DGLUCY: variants seen among roughly 807,000 people sequenced by gnomAD.
DGLUCY encodes the protein D-glutamate cyclase.
In DGLUCY, 58 loss-of-function variants were observed where a neutral mutation model predicts 58.5. The observed-to-expected ratio is 0.99, with a 90% CI of 0.80 to 1.23. The LOEUF (loss-of-function observed/expected upper bound fraction) is 1.23, where lower values mean the gene tolerates loss of function less well. Among genes scored for constraint, DGLUCY ranks in the 50% most tolerant of loss-of-function variants. The pLI, the probability that DGLUCY is intolerant of heterozygous loss-of-function variation, is 0.00. For missense variants in DGLUCY, 779 were observed against 784.7 expected (o/e 0.99, Z 0.09); for synonymous variants, 325 against 314.1 (o/e 1.03, Z -0.37).
intron 9 of DGLUCY, among the ~76,000 whole-genome samples, chr14:91,192,943 G>C (rs903260054): frequency 6.6e-6 from 1 of 152,244 alleles, no homozygotes; most frequent in Admixed American, 6.5e-5. Context: ...CAAGGAGGCA[G>C]TTAGTGATAT....
At chr14:91,143,919 A>C (rs2046875004) in intron 1 of DGLUCY, among the ~76,000 whole-genome samples, 1 of 152,190 alleles carries the variant, frequency 6.6e-6, no homozygotes, top group East Asian at 1.9e-4. Context: ...TAATAAGTAG[A>C]GTCAATTATT....
intron 1 of DGLUCY, among the ~76,000 whole-genome samples, chr14:91,079,506 A>C (rs2140043894): frequency 6.6e-6 from 1 of 151,758 alleles, no homozygotes; most frequent in Admixed American, 6.6e-5. Context: ...GGTGCCTGCC[A>C]CCCCACCCGG....
At chr14:91,174,492 G>A (rs945172826) in intron 6 of DGLUCY, among the ~76,000 whole-genome samples, 1 of 152,068 alleles carries the variant, frequency 6.6e-6, no homozygotes, top group Non-Finnish European at 1.5e-5. Flanking sequence ...TTTTAGTAGA[G>A]ATGGGGTTTT....
chr14:91,131,655 C>T (rs1176326343), intron 1 of DGLUCY, among the ~76,000 whole-genome samples: 1 of 152,128 alleles, frequency 6.6e-6, no homozygotes, highest in Admixed American at 6.6e-5. Context: ...GTGATGTTCC[C>T]CTTCCTGTGT....
intron 1 of DGLUCY, among the ~76,000 whole-genome samples, chr14:91,085,419 T>TC (rs1363889848): frequency 2.0e-5 from 3 of 151,806 alleles, no homozygotes; most frequent in Non-Finnish European, 4.4e-5. Flanking sequence ...CACATCTTTT[T>TC]CCCCTCCCCT....
At chr14:91,180,604 A>G (rs966632683) in intron 7 of DGLUCY, among the ~76,000 whole-genome samples, 1 of 152,076 alleles carries the variant, frequency 6.6e-6, no homozygotes, top group African/African-American at 2.4e-5. Flanking sequence ...AAGTCAATAA[A>G]GTCACATCTC....
At chr14:91,224,486 G>A (rs1887944788) in intron 13 of DGLUCY, among the ~76,000 whole-genome samples, 198 bp from the exon 14 acceptor site, 1 of 152,182 alleles carries the variant, frequency 6.6e-6, no homozygotes, top group Non-Finnish European at 1.5e-5. Flanking sequence ...GAGTAGATTT[G>A]GGGGCCAATG....
chr14:91,168,740 A>G (rs908274955), intron 4 of DGLUCY, among the ~76,000 whole-genome samples: 6 of 152,186 alleles, frequency 3.9e-5, no homozygotes, highest in Non-Finnish European at 8.8e-5. Context: ...GTGTATTGCC[A>G]GTATGTGTTT....
rs376930690 is a variant in DGLUCY, at chr14:91,190,493, G to A, written c.1195+1323G>A. 3.9e-5 allele frequency among the ~76,000 whole-genome samples: 6 copies of A among 152,236 alleles called. No homozygotes were observed. The East Asian group carries it at 7.7e-4, about 20-fold the overall frequency. On this transcript the variant is annotated intron_variant, in intron 9 of 13. Coordinates refer to ENST00000256324, the MANE Select transcript of DGLUCY (RefSeq NM_001102368.3). The stretch of plus-strand genomic sequence containing the variant: ...TGGGCGGTGGCAGCAGTGGGGGGCA[G>A]CTGTCACTTTACACAGAATGGCCAG...
At chr14:91,074,862 C>G (rs2043993375) in intron 1 of DGLUCY, among the ~76,000 whole-genome samples, 1 of 152,148 alleles carries the variant, frequency 6.6e-6, no homozygotes, top group African/African-American at 2.4e-5. Flanking sequence ...CACCTGAGTT[C>G]AGGAGTTCAA....
intron 1 of DGLUCY, among the ~76,000 whole-genome samples, chr14:91,068,428 G>A (rs942536999): frequency 6.6e-6 from 1 of 152,194 alleles, no homozygotes; most frequent in African/African-American, 2.4e-5. Context: ...CAACACTTTG[G>A]GAGGCTGAGG....
chr14:91,168,353 G>GC (rs1431012487), intron 4 of DGLUCY, among the ~76,000 whole-genome samples: 2 of 151,888 alleles, frequency 1.3e-5, no homozygotes, highest in East Asian at 3.8e-4. Flanking sequence ...TGGTGACCTG[G>GC]CCCCAGCTCA....
At chr14:91,087,932 G>A (rs1409859794) in intron 1 of DGLUCY, among the ~76,000 whole-genome samples, 8 of 152,210 alleles carry the variant, frequency 5.3e-5, no homozygotes, top group Admixed American at 5.2e-4. Flanking sequence ...ACACGGGAAA[G>A]ACAGACCTGT....
At chr14:91,188,371 C>G (rs1341842116) in intron 8 of DGLUCY, among the ~76,000 whole-genome samples, 1 of 152,280 alleles carries the variant, frequency 6.6e-6, no homozygotes, top group African/African-American at 2.4e-5. Flanking sequence ...AAGGGAGGCT[C>G]CTCAGCCATT....
chr14:91,143,241 G>A (rs1319424630), intron 1 of DGLUCY, among the ~76,000 whole-genome samples: 1 of 151,604 alleles, frequency 6.6e-6, no homozygotes, highest in South Asian at 2.1e-4. Flanking sequence ...GACTACAGGC[G>A]CCCTCCACCA....
rs549751539 is a variant in DGLUCY, at chr14:91,132,047, C to T, written c.-82+17764C>T. ...ACCTCAGGTGATCTGCCCACCTTGG[C>T]CTCCCAAAGTGTTGGGATTTCAGGC... On this transcript the variant is annotated intron_variant, in intron 1 of 13. Coordinates refer to ENST00000256324, the MANE Select transcript of DGLUCY (RefSeq NM_001102368.3). 2.6e-5 allele frequency among the ~76,000 whole-genome samples: 4 copies of T among 152,306 alleles called. No individual in the cohort carries two copies. The South Asian group carries it at 8.3e-4, about 32-fold the overall frequency.
intron 8 of DGLUCY, among the ~76,000 whole-genome samples, chr14:91,182,545 G>A (rs531006791): frequency 6.0e-5 from 9 of 149,978 alleles, no homozygotes; most frequent in African/African-American, 1.2e-4. Context: ...TGATTTTCCC[G>A]CCTCGGCCTC....
At chr14:91,074,160 C>G (rs186621709) in intron 1 of DGLUCY, among the ~76,000 whole-genome samples, 9 of 136,124 alleles carry the variant, frequency 6.6e-5, no homozygotes, top group South Asian at 2.5e-4. Flanking sequence ...CACACACACA[C>G]AGTCAAGCAC....
intron 1 of DGLUCY, among the ~76,000 whole-genome samples, chr14:91,085,019 C>T (rs141834895): frequency 3.6e-4 from 55 of 152,118 alleles, no homozygotes; most frequent in African/African-American, 1.3e-3. Context: ...TCCAGGAGTT[C>T]AAGACCAGCC....
Sources: allele counts gnomAD v4.1 joint callset (sites outside exome capture counted in the v4.1 genomes callset), GRCh38; gene constraint gnomAD v4.1.1; transcripts MANE v1.5; gene names NCBI Gene and HGNC (gene_info 2026-07-23, HGNC 2026-07-21).